RRP15: variants seen among roughly 807,000 people sequenced by gnomAD.
RRP15 encodes ribosomal RNA processing 15 homolog, also known as RRP15-like protein.
RRP15 carries 18 observed loss-of-function variants against 27.1 expected under a neutral mutation model. The observed-to-expected ratio is 0.66, with a 90% confidence interval of 0.46 to 0.98. The LOEUF is 0.98. RRP15 is among the 50% of genes least tolerant of loss of function. The pLI is 0.00. For synonymous variants in RRP15, 107 were observed against 109.4 expected (o/e 0.98, Z 0.14); for missense variants, 359 against 337.8 (o/e 1.06, Z -0.49).
In RRP15 at chr1:218,331,154, A is replaced by G; in HGVS notation, c.*63A>G. ...TTCTAGAAAAATATGTCATCCTCTG[A>G]TAGTTGGGGAATTATAAGGATACCA... On this transcript the variant is annotated 3_prime_UTR_variant, in exon 5 of 5. Transcript: ENST00000366932. 6.8e-7 allele frequency: 1 copy of G among 1,471,032 alleles called. No homozygotes were observed. The highest frequency in any genetic ancestry group is 9.2e-7 in the Non-Finnish European group (1 of 1,084,718). 91.1% of individuals were successfully genotyped at this position (1,471,032 alleles called of 1,614,324 possible). A position where few individuals can be genotyped will look rare whatever the true frequency, so the allele number is the denominator to read the frequency against.
At chr1:218,295,392 T>C (rs1398156161) in intron 1 of RRP15, among the ~76,000 whole-genome samples, 3 of 152,206 alleles carry the variant, frequency 2.0e-5, no homozygotes, top group African/African-American at 4.8e-5. Flanking sequence ...TGTGATCTGA[T>C]TGACTCCTCC....
intron 4 of RRP15, among the ~76,000 whole-genome samples, chr1:218,330,640 A>C (rs950089744): frequency 1.3e-5 from 2 of 152,184 alleles, no homozygotes; most frequent in African/African-American, 4.8e-5. Context: ...GAAGTGCTTA[A>C]AAAATTAATA....
intron 1 of RRP15, among the ~76,000 whole-genome samples, chr1:218,290,499 C>G (rs907853770): frequency 4.6e-5 from 7 of 152,130 alleles, no homozygotes; most frequent in African/African-American, 1.7e-4. Context: ...AGATCTGGCT[C>G]TATTACCCAG....
intron 1 of RRP15, among the ~76,000 whole-genome samples, chr1:218,291,647 T>C (rs1384474249): frequency 6.8e-6 from 1 of 146,934 alleles, no homozygotes; most frequent in African/African-American, 2.5e-5. Flanking sequence ...TTCTTCTGCC[T>C]CAGCCTTCCG....
At chr1:218,329,099 A>G (rs984640558) in intron 4 of RRP15, among the ~76,000 whole-genome samples, 3 of 151,876 alleles carry the variant, frequency 2.0e-5, no homozygotes, top group African/African-American at 7.3e-5. Context: ...TCAGTTTTTT[A>G]TTTAAAGAAA....
chr1:218,308,584 C>A (rs1023872654), intron 4 of RRP15, among the ~76,000 whole-genome samples: 4 of 151,978 alleles, frequency 2.6e-5, no homozygotes, highest in African/African-American at 9.7e-5. Context: ...ATAATTGAAA[C>A]CCGAGCAAGA....
intron 4 of RRP15, among the ~76,000 whole-genome samples, chr1:218,328,083 G>A (rs961778413): frequency 2.0e-5 from 3 of 152,216 alleles, no homozygotes; most frequent in African/African-American, 7.2e-5. Flanking sequence ...TGCTGCTGGT[G>A]TAAAGATCAC....
At position 218,302,337 on chromosome 1, in the gene RRP15, C is replaced by T. The variant is rs201927672; in HGVS notation, c.183C>T (p.Asp61=). ...AGGACCACTTTTATTCTGATGATGA[C>T]GCAATAGAAGCTGACAGTGAGGGTG... ...SEKDHFYSDD[D]AIEADSEGDA... The change falls in exon 2 of 5, where the codon GAC becomes GAT. Residue 61 remains aspartate (D), a synonymous_variant. Coordinates refer to ENST00000366932, the MANE Select transcript of RRP15 (RefSeq NM_016052.4). The T allele has an allele frequency of 4.3e-5, 70 of 1,613,778 alleles. No individual in the cohort carries two copies. Among genetic ancestry groups the T allele is most frequent in the African/African-American group, 5.3e-5 (4 of 74,992 alleles).
intron 4 of RRP15, among the ~76,000 whole-genome samples, chr1:218,315,722 C>G (rs1656080901): frequency 6.6e-6 from 1 of 151,834 alleles, no homozygotes; most frequent in African/African-American, 2.4e-5. Context: ...TCCCAAAGTG[C>G]TGGGATTACA....
intron 1 of RRP15, among the ~76,000 whole-genome samples, chr1:218,290,293 T>C (rs193254845): frequency 6.6e-6 from 1 of 152,232 alleles, no homozygotes; most frequent in Non-Finnish European, 1.5e-5. Flanking sequence ...GTTACAGTAA[T>C]GTTCAGTAAA....
At chr1:218,322,802 C>T (rs1254591719) in intron 4 of RRP15, among the ~76,000 whole-genome samples, 1 of 152,110 alleles carries the variant, frequency 6.6e-6, no homozygotes, top group African/African-American at 2.4e-5. Flanking sequence ...CTGTTTTGCT[C>T]GGTCCTATGG....
chr1:218,287,947 A>G (rs1318374056), intron 1 of RRP15, among the ~76,000 whole-genome samples: 1 of 152,238 alleles, frequency 6.6e-6, no homozygotes, highest in African/African-American at 2.4e-5. Flanking sequence ...TTTCTCAGAC[A>G]TAAAAGCATA....
At chr1:218,303,885 C>T (rs146439898) in intron 2 of RRP15, among the ~76,000 whole-genome samples, 4 of 152,236 alleles carry the variant, frequency 2.6e-5, no homozygotes, top group Admixed American at 1.3e-4. Context: ...TATTTCTAAT[C>T]ATAAATACAA....
chr1:218,297,994 C>A (rs1655747701), intron 1 of RRP15, among the ~76,000 whole-genome samples: 1 of 152,162 alleles, frequency 6.6e-6, no homozygotes, highest in Non-Finnish European at 1.5e-5. Flanking sequence ...TTCAGCCAGT[C>A]TCAACTTGGT....
At chr1:218,286,111 C>T (rs1167791261) in intron 1 of RRP15, among the ~76,000 whole-genome samples, 1 of 152,218 alleles carries the variant, frequency 6.6e-6, no homozygotes, top group Non-Finnish European at 1.5e-5. Context: ...TGACTTCCTA[C>T]TGCCCAGTTA....
At chr1:218,316,308 G>A (rs1439476397) in intron 4 of RRP15, among the ~76,000 whole-genome samples, 1 of 152,048 alleles carries the variant, frequency 6.6e-6, no homozygotes, top group Non-Finnish European at 1.5e-5. Context: ...TATTTGAAGT[G>A]GCTGCCTGTA....
At chr1:218,315,614 T>TA (rs1414939630) in intron 4 of RRP15, among the ~76,000 whole-genome samples, 4 of 151,288 alleles carry the variant, frequency 2.6e-5, no homozygotes, top group African/African-American at 7.3e-5. Flanking sequence ...TTATTTTATT[T>TA]TTTTTTTTTT....
intron 4 of RRP15, among the ~76,000 whole-genome samples, chr1:218,327,064 C>T (rs974381707): frequency 2.0e-5 from 3 of 152,126 alleles, no homozygotes; most frequent in Non-Finnish European, 4.4e-5. Flanking sequence ...GTCTTCTGGT[C>T]CATCTCCTTC....
At chr1:218,287,766 A>G (rs116504418) in intron 1 of RRP15, among the ~76,000 whole-genome samples, 1,582 of 152,306 alleles carry the variant, frequency 0.01, 31 homozygotes, top group African/African-American at 0.036. Context: ...CTCTCCTTAT[A>G]GAGATAAGTT....
Sources: allele counts gnomAD v4.1 joint callset (sites outside exome capture counted in the v4.1 genomes callset), GRCh38; gene constraint gnomAD v4.1.1; transcripts MANE v1.5; gene names NCBI Gene and HGNC (gene_info 2026-07-23, HGNC 2026-07-21).